Variants in KCNH5 observed in about 807,000 individuals in gnomAD.
The protein encoded by KCNH5 is potassium voltage-gated channel subfamily H member 5, also known as voltage-gated delayed rectifier potassium channel KCNH5.
KCNH5 carries 46 observed loss-of-function variants against 96.1 expected under a neutral mutation model. The observed-to-expected ratio is 0.48, with a 90% confidence interval of 0.38 to 0.61. The LOEUF is 0.61. Ranked by LOEUF, KCNH5 falls within the 20% of genes least tolerant of loss-of-function variation. KCNH5 has a pLI of 0.00. For missense variants in KCNH5, 907 were observed against 1,225.8 expected (o/e 0.74, Z 3.88); for synonymous variants, 439 against 449.8 (o/e 0.98, Z 0.30).
At chr14:62,714,737 T>C (rs1884647358) in intron 10 of KCNH5, among the ~76,000 whole-genome samples, 1 of 152,200 alleles carries the variant, frequency 6.6e-6, no homozygotes, top group Non-Finnish European at 1.5e-5. Flanking sequence ...ATATCCTTAC[T>C]TATCAATGTA....
intron 10 of KCNH5, among the ~76,000 whole-genome samples, chr14:62,734,445 T>G (rs979255513): frequency 1.1e-4 from 17 of 152,106 alleles, no homozygotes; most frequent in African/African-American, 3.9e-4. Context: ...GTCATAATAT[T>G]TTATGCCTCC....
intron 5 of KCNH5, among the ~76,000 whole-genome samples, chr14:62,984,180 G>T (rs147362368): frequency 3.6e-4 from 55 of 152,182 alleles, no homozygotes; most frequent in African/African-American, 1.1e-3. Context: ...CACATTTTTT[G>T]ATGTATTTTT....
At chr14:62,877,173 C>T (rs944198859) in intron 7 of KCNH5, among the ~76,000 whole-genome samples, 11 of 151,936 alleles carry the variant, frequency 7.2e-5, no homozygotes, top group Non-Finnish European at 1.2e-4. Flanking sequence ...CCCTTCCTTA[C>T]ACCTTATACA....
intron 7 of KCNH5, among the ~76,000 whole-genome samples, chr14:62,899,621 G>A (rs1477392723): frequency 6.6e-6 from 1 of 151,814 alleles, no homozygotes; most frequent in East Asian, 1.9e-4. Context: ...CACGAGGTCA[G>A]GAGATCGAGA....
At chr14:62,821,830 A>G (rs2140018513) in intron 8 of KCNH5, among the ~76,000 whole-genome samples, 1 of 152,250 alleles carries the variant, frequency 6.6e-6, no homozygotes, top group East Asian at 1.9e-4. Context: ...ATCCGTCTCA[A>G]ATCCTGCAAA....
chr14:62,999,793 G>A (rs1416307769), intron 4 of KCNH5, among the ~76,000 whole-genome samples: 1 of 148,604 alleles, frequency 6.7e-6, no homozygotes. Flanking sequence ...CAGCACACCA[G>A]AATGGCACAT....
chr14:63,009,152 A>G (rs1271190129), intron 2 of KCNH5, among the ~76,000 whole-genome samples: 1 of 152,100 alleles, frequency 6.6e-6, no homozygotes, highest in Non-Finnish European at 1.5e-5. Flanking sequence ...GAAAGAATTT[A>G]TGATATAACA....
intron 7 of KCNH5, among the ~76,000 whole-genome samples, chr14:62,903,837 A>T (rs145630975): frequency 7.0e-4 from 107 of 152,246 alleles, no homozygotes; most frequent in African/African-American, 2.5e-3. Flanking sequence ...ATGTATGATT[A>T]CTGATGCTAT....
rs984052975 is a variant in KCNH5, at chr14:62,862,679, T to C, written c.1370-12827A>G. Among the ~76,000 whole-genome samples, 4 of 152,300 alleles carry C rather than the reference T, an allele frequency of 2.6e-5. No individual in the cohort carries two copies. The East Asian group carries it at 7.7e-4, about 29-fold the overall frequency. On this transcript the variant is annotated intron_variant, in intron 7 of 10. Coordinates refer to ENST00000322893, the MANE Select transcript of KCNH5 (RefSeq NM_139318.5). Reference sequence around the variant, plus strand: ...CCTTTACTCTCTTAGGATGCTGCCTTGAAATCATCACCCTGAAGAAGTCTG... The same window carrying C: ...CCTTTACTCTCTTAGGATGCTGCCTCGAAATCATCACCCTGAAGAAGTCTG...
chr14:62,740,121 A>C (rs1459548949), intron 10 of KCNH5, among the ~76,000 whole-genome samples: 1 of 152,142 alleles, frequency 6.6e-6, no homozygotes, highest in African/African-American at 2.4e-5. Context: ...AGAAAAACAA[A>C]GGTCAAGTAG....
intron 8 of KCNH5, among the ~76,000 whole-genome samples, chr14:62,838,037 G>C (rs1305918693): frequency 6.6e-6 from 1 of 151,984 alleles, no homozygotes; most frequent in Non-Finnish European, 1.5e-5. Context: ...TTGATACAAG[G>C]GTTACAATAT....
intron 10 of KCNH5, among the ~76,000 whole-genome samples, chr14:62,714,667 G>A (rs1176654022): frequency 6.6e-6 from 1 of 152,140 alleles, no homozygotes; most frequent in Non-Finnish European, 1.5e-5. Context: ...TATAGAAAGT[G>A]TTAAAGGATT....
chr14:62,878,543 G>A (rs1439443541), intron 7 of KCNH5, among the ~76,000 whole-genome samples: 1 of 151,996 alleles, frequency 6.6e-6, no homozygotes, highest in Non-Finnish European at 1.5e-5. Flanking sequence ...CTGAGGCGAG[G>A]AGGGCAAATA....
intron 9 of KCNH5, among the ~76,000 whole-genome samples, chr14:62,787,375 A>G (rs942322275): frequency 1.3e-5 from 2 of 152,224 alleles, no homozygotes; most frequent in African/African-American, 2.4e-5. Flanking sequence ...AGGAAGCTGC[A>G]GAAGAAAAGT....
chr14:62,956,704 C>G (rs1404507602), intron 6 of KCNH5, among the ~76,000 whole-genome samples: 1 of 152,052 alleles, frequency 6.6e-6, no homozygotes, highest in Admixed American at 6.6e-5. Flanking sequence ...GATTCACTCT[C>G]ATAACCTTTA....
At chr14:62,892,967 T>C (rs1888741734) in intron 7 of KCNH5, among the ~76,000 whole-genome samples, 1 of 152,218 alleles carries the variant, frequency 6.6e-6, no homozygotes, top group Admixed American at 6.5e-5. Flanking sequence ...TCATACCTGC[T>C]AACACAACAT....
At chr14:63,017,062 G>A in intron 1 of KCNH5, 108 bp from the exon 2 acceptor site, 1 of 1,041,342 alleles carries the variant, frequency 9.6e-7, no homozygotes, top group Non-Finnish European at 1.4e-6. Flanking sequence ...TACAACTATG[G>A]TTTGTAATTG....
intron 4 of KCNH5, among the ~76,000 whole-genome samples, chr14:62,987,512 A>G (rs781224757): frequency 1.3e-5 from 2 of 152,194 alleles, no homozygotes; most frequent in African/African-American, 2.4e-5. Context: ...TAGCTGTCCA[A>G]TTAGGAACAT....
At chr14:62,894,460 T>C (rs758607096) in intron 7 of KCNH5, among the ~76,000 whole-genome samples, 1 of 152,240 alleles carries the variant, frequency 6.6e-6, no homozygotes, top group Non-Finnish European at 1.5e-5. Flanking sequence ...CGTTTGTAAG[T>C]GTGTATGTGT....
Sources: allele counts gnomAD v4.1 joint callset (sites outside exome capture counted in the v4.1 genomes callset), GRCh38; gene constraint gnomAD v4.1.1; transcripts MANE v1.5; gene names NCBI Gene and HGNC (gene_info 2026-07-23, HGNC 2026-07-21).